DENND1A: variants seen among roughly 807,000 people sequenced by gnomAD.
DENND1A encodes DENN domain-containing protein 1A.
Under a neutral mutation model 113.7 loss-of-function variants are expected in DENND1A, and 51 were observed. The observed-to-expected ratio is 0.45, with a 90% CI of 0.36 to 0.57. The LOEUF (loss-of-function observed/expected upper bound fraction) is 0.57. DENND1A is among the 20% of genes least tolerant of loss of function. The pLI is 0.00. For missense variants in DENND1A, 1,258 were observed against 1,395.9 expected, an observed-to-expected ratio of 0.90 and a Z score of 1.57; for synonymous variants, 565 against 570.8, an observed-to-expected ratio of 0.99 and a Z score of 0.14.
At chr9:123,774,427 A>G (rs558136968) in intron 3 of DENND1A, among the ~76,000 whole-genome samples, 1 of 152,324 alleles carries the variant, frequency 6.6e-6, no homozygotes, top group African/African-American at 2.4e-5. Context: ...AAGCTTAATT[A>G]GCACCAAGTT....
At chr9:123,590,596 C>G (rs1185217151) in intron 11 of DENND1A, among the ~76,000 whole-genome samples, 1 of 152,084 alleles carries the variant, frequency 6.6e-6, no homozygotes, top group African/African-American at 2.4e-5. Flanking sequence ...ATGGGAAGTG[C>G]AAGATAAGTG....
chr9:123,621,498 T>C (rs2060963583), intron 10 of DENND1A, among the ~76,000 whole-genome samples: 1 of 152,216 alleles, frequency 6.6e-6, no homozygotes, highest in Non-Finnish European at 1.5e-5. Context: ...GTTGAAATTC[T>C]TAGCACCAGA....
At chr9:123,844,624 T>C (rs1038140119) in intron 2 of DENND1A, among the ~76,000 whole-genome samples, 6 of 152,182 alleles carry the variant, frequency 3.9e-5, no homozygotes, top group African/African-American at 1.4e-4. Context: ...AACACAATAT[T>C]GTTAAGCTGA....
At chr9:123,438,284 C>T (rs892930633) in intron 19 of DENND1A, among the ~76,000 whole-genome samples, 1 of 152,182 alleles carries the variant, frequency 6.6e-6, no homozygotes, top group East Asian at 1.9e-4. Context: ...TCTGTGGTTT[C>T]CCTGGCTCAA....
intron 3 of DENND1A, among the ~76,000 whole-genome samples, chr9:123,787,339 G>C (rs1832340618): frequency 6.6e-6 from 1 of 152,126 alleles, no homozygotes; most frequent in African/African-American, 2.4e-5. Flanking sequence ...ATCAGGGCAT[G>C]AGTAAGTTTT....
intron 9 of DENND1A, among the ~76,000 whole-genome samples, chr9:123,644,395 A>C (rs2062193248): frequency 6.7e-6 from 1 of 148,670 alleles, no homozygotes; most frequent in Non-Finnish European, 1.5e-5. Flanking sequence ...AAAAAAAAAA[A>C]AAAAAAACCT....
At chr9:123,462,584 G>A (rs931699504) in intron 13 of DENND1A, among the ~76,000 whole-genome samples, 1 of 152,130 alleles carries the variant, frequency 6.6e-6, no homozygotes, top group Non-Finnish European at 1.5e-5. Context: ...ATCACCTGTG[G>A]TCAGGAGTTC....
In DENND1A at chr9:123,693,823, TA is replaced by T. The variant is rs2065329328; in HGVS notation, c.303-17035del. ...TTAGCTATATTATTATTATTATTAT[TA>T]TTATTATTATTATTATTATTTTGAG... On this transcript the variant is annotated intron_variant, in intron 5 of 23. Transcript: ENST00000394215. Among the ~76,000 whole-genome samples the T allele has an allele frequency of 2.0e-5, 3 of 147,496 alleles. No homozygotes were observed. The South Asian group carries it at 6.4e-4, about 31-fold the overall frequency.
chr9:123,834,597 A>G (rs1840773466), intron 2 of DENND1A, among the ~76,000 whole-genome samples: 1 of 152,232 alleles, frequency 6.6e-6, no homozygotes, highest in Non-Finnish European at 1.5e-5. Context: ...ATACACATGC[A>G]TACGGGTTTT....
At chr9:123,494,726 T>C (rs2051705907) in intron 13 of DENND1A, among the ~76,000 whole-genome samples, 1 of 152,030 alleles carries the variant, frequency 6.6e-6, no homozygotes, top group African/African-American at 2.4e-5. Context: ...TTCAATAAGC[T>C]CCTAATCATC....
intron 5 of DENND1A, among the ~76,000 whole-genome samples, chr9:123,702,730 G>A (rs1179560838): frequency 2.6e-5 from 4 of 152,124 alleles, no homozygotes; most frequent in Admixed American, 6.5e-5. Flanking sequence ...CAGAAATGAA[G>A]GAGAGAGAAA....
chr9:123,388,665 G>C (rs1180187259), intron 21 of DENND1A, among the ~76,000 whole-genome samples: 1 of 152,188 alleles, frequency 6.6e-6, no homozygotes, highest in African/African-American at 2.4e-5. Flanking sequence ...AGCCACCTGT[G>C]AGCTCTACCT....
intron 13 of DENND1A, among the ~76,000 whole-genome samples, chr9:123,529,336 T>C (rs1218481838): frequency 6.6e-6 from 1 of 152,188 alleles, no homozygotes; most frequent in Non-Finnish European, 1.5e-5. Context: ...CCCCCGACTG[T>C]AGTGATACTC....
At chr9:123,813,948 T>A (rs932595915) in intron 2 of DENND1A, among the ~76,000 whole-genome samples, 1 of 152,224 alleles carries the variant, frequency 6.6e-6, no homozygotes, top group Admixed American at 6.5e-5. Flanking sequence ...AATGCCTAAC[T>A]GATACTACTG....
In DENND1A at chr9:123,740,609, T is replaced by C. The variant is rs144843578; in HGVS notation, c.302+17094A>G. Among the ~76,000 whole-genome samples the C allele has an allele frequency of 3.0e-3, 455 of 152,214 alleles. 3 individuals carry two copies. The highest frequency in any genetic ancestry group is 5.0e-3 in the Non-Finnish European group (339 of 67,982). The stretch of plus-strand genomic sequence containing the variant: ...GAAATTCCTTCTTAGAAAAAAAAAA[T>C]TCTCTGTTGCTAACTCCTAAATTAG... On this transcript the variant is annotated intron_variant, in intron 5 of 23. Transcript: ENST00000394215.
intron 9 of DENND1A, among the ~76,000 whole-genome samples, chr9:123,635,734 T>C (rs1320096352): frequency 6.6e-6 from 1 of 152,182 alleles, no homozygotes; most frequent in Non-Finnish European, 1.5e-5. Flanking sequence ...GACAATGAAG[T>C]AATTATTATT....
At chr9:123,513,132 C>T (rs368167955) in intron 13 of DENND1A, among the ~76,000 whole-genome samples, 132 of 152,296 alleles carry the variant, frequency 8.7e-4, no homozygotes, top group African/African-American at 3.0e-3. Context: ...CTCCGGAGTC[C>T]GGTGAGGTGG....
At chr9:123,429,321 C>T (rs1013401356) in intron 19 of DENND1A, among the ~76,000 whole-genome samples, 10 of 152,090 alleles carry the variant, frequency 6.6e-5, no homozygotes, top group Admixed American at 2.6e-4. Flanking sequence ...TTTTGGAGGC[C>T]GGGGAGGGTG....
intron 2 of DENND1A, among the ~76,000 whole-genome samples, chr9:123,797,349 C>T (rs1450946428): frequency 5.3e-5 from 8 of 152,152 alleles, no homozygotes; most frequent in Non-Finnish European, 1.0e-4. Flanking sequence ...CAGTCCACTA[C>T]ACTGCTCTTT....
Sources: gnomAD v4.1 joint callset for allele counts (sites outside exome capture counted in the v4.1 genomes callset) on GRCh38, gnomAD v4.1.1 for gene constraint, MANE v1.5 for transcripts, NCBI Gene and HGNC (gene_info 2026-07-23, HGNC 2026-07-21) for gene names.